The following CPXM1 variants were observed in gnomAD, a reference collection of about 807,000 sequenced individuals.
CPXM1 encodes the protein carboxypeptidase X, M14 family member 1.
CPXM1 carries 72 observed loss-of-function variants against 80.4 expected under a neutral mutation model. That is an observed-to-expected ratio of 0.90 (90% CI 0.74 to 1.09). The LOEUF is 1.09. Ranked by LOEUF, CPXM1 falls within the 50% of genes least tolerant of loss-of-function variation. The probability of loss-of-function intolerance (pLI) is 0.00; values close to 1 mark genes in which losing one functional copy is unlikely to be tolerated. For missense variants in CPXM1, 892 were observed against 999.4 expected (o/e 0.89, Z 1.45); for synonymous variants, 403 against 405.6 (o/e 0.99, Z 0.08).
chr20:2,795,748 G>T lies in CPXM1; in HGVS notation c.1571C>A (p.Pro524Gln), dbSNP rs1160936401. The change falls in exon 11 of 14, where the codon CCA (proline) becomes CAA (glutamine). Residue 524 changes from proline (P) to glutamine (Q), a missense_variant. Transcript: ENST00000380605. This position sits in a 1 kb window ranked among gnomAD's most constrained non-coding sequence, Gnocchi z 5.4. ...GAGCCAGCGAAACACAGCATCATCT[G>T]GTGTGGGCGTGAGCTCGCGGGCAGC... The part of the protein sequence containing the change: ...PWAARELTPT[P>Q]DDAVFRWLST... 6.2e-7 allele frequency: 1 copy of T among 1,613,786 alleles called. No individual in the cohort carries two copies. Among genetic ancestry groups the T allele is most frequent in the South Asian group, 1.1e-5 (1 of 91,090 alleles).
At chr20:2,798,335 G>C in intron 3 of CPXM1, 44 bp from the exon 4 acceptor site, 1 of 1,610,074 alleles carries the variant, frequency 6.2e-7, no homozygotes, top group Non-Finnish European at 8.5e-7. Flanking sequence ...TGGACAGAGT[G>C]GGGCAGGCCA....
intron 6 of CPXM1, 42 bp from the exon 7 acceptor site, chr20:2,797,136 G>A: frequency 9.3e-6 from 15 of 1,611,724 alleles, no homozygotes; most frequent in Non-Finnish European, 1.3e-5. Context: ...TGTCCACAGT[G>A]AAGGATGCAC....
chr20:2,797,036 A>G lies in CPXM1; in HGVS notation c.891T>C (p.Phe297=). 2 of 1,614,080 alleles carry G rather than the reference A, an allele frequency of 1.2e-6. No individual in the cohort carries two copies. The highest frequency in any genetic ancestry group is 1.7e-6 in the Non-Finnish European group (2 of 1,179,982). The change falls in exon 7 of 14, where the codon TTT becomes TTC. Residue 297 remains phenylalanine, a synonymous_variant. Transcript: ENST00000380605. The part of the protein sequence containing the change: ...PASGSSDPLD[F]QHHNYKAMRK... ...TCATGGCCTTGTAATTGTGATGCTG[A>G]AAGTCTAGAGGGTCAGAGGATCCCG...
At chr20:2,799,379 T>C (rs920359835) in intron 1 of CPXM1, among the ~76,000 whole-genome samples, 27 of 152,232 alleles carry the variant, frequency 1.8e-4, no homozygotes, top group African/African-American at 6.0e-4. Context: ...GCCGCTTCCA[T>C]TGTTGTGTCT....
In CPXM1 at chr20:2,794,467, A is replaced by C. The variant is rs756722655; in HGVS notation, c.1964-36T>G. ...TGAAGGGCACGATCAGGACCCAATT[A>C]ATGATCTTCTGCTTCTTCCCGAGCC... On this transcript the variant is annotated intron_variant, in intron 13 of 13. Coordinates refer to ENST00000380605, the MANE Select transcript of CPXM1 (RefSeq NM_019609.5). This position sits in a 1 kb window ranked among gnomAD's most constrained non-coding sequence, Gnocchi z 5.2. The C allele has an allele frequency of 6.2e-7, 1 of 1,613,354 alleles. No individual in the cohort carries two copies. The highest frequency in any genetic ancestry group is 8.5e-7 in the Non-Finnish European group (1 of 1,179,524).
intron 5 of CPXM1, 82 bp downstream of exon 5, chr20:2,797,886 G>A (rs953781779): frequency 6.6e-5 from 84 of 1,272,888 alleles, no homozygotes; most frequent in Admixed American, 2.1e-4. Context: ...TCTATTCCTT[G>A]TCCTCAGAGG....
intron 2 of CPXM1, 65 bp from the exon 3 acceptor site, chr20:2,798,602 G>C: frequency 6.4e-7 from 1 of 1,554,872 alleles, no homozygotes; most frequent in Non-Finnish European, 8.8e-7. Context: ...GTGGGAAGCT[G>C]AGCCTAAGGT....
chr20:2,799,263 T>C (rs1203558462), intron 1 of CPXM1, among the ~76,000 whole-genome samples: 1 of 152,176 alleles, frequency 6.6e-6, no homozygotes, highest in Non-Finnish European at 1.5e-5. Flanking sequence ...CCCTCGCCTC[T>C]GATTTTTTCA....
rs1010621442 is a variant in CPXM1 at position 2,796,810 on chromosome 20, G to A, written c.922-160C>T. Among the ~76,000 whole-genome samples the A allele has an allele frequency of 6.6e-6, 1 of 152,090 alleles. No homozygotes were observed. Among genetic ancestry groups the A allele is most frequent in the African/African-American group, 2.4e-5 (1 of 41,414 alleles). On this transcript the variant is annotated intron_variant, in intron 7 of 13. Transcript: ENST00000380605. This position sits in a 1 kb window ranked among gnomAD's most constrained non-coding sequence, Gnocchi z 6.8. ...GAGCGGCAGCAGAGCCGGGAGGAAG[G>A]GGTAGGACTGGGGGGGCGCCATAAT...
chr20:2,797,492 G>T, intron 5 of CPXM1, 150 bp from the exon 6 acceptor site: 1 of 892,712 alleles, frequency 1.1e-6, no homozygotes, highest in Non-Finnish European at 1.6e-6. Flanking sequence ...CACAGACCCC[G>T]GCCCACAGCC....
Position 2,794,610 on chromosome 20 carries a change from C to T in CPXM1, c.1890G>A (p.Arg630=), listed in dbSNP as rs768886563. ...CAATCCCAAGCTCCGTGTCCTTGTC[C>T]CTCACCACTCCTGCAATGCCCATGC... ...QVRMGIAGVV[R]DKDTELGIAD... The change falls in exon 13 of 14, where the codon AGG becomes AGA. Residue 630 remains arginine (R), a synonymous_variant. Transcript: ENST00000380605. This position sits in a 1 kb window ranked among gnomAD's most constrained non-coding sequence, Gnocchi z 5.2. 21 of 1,612,950 alleles carry T rather than the reference C, an allele frequency of 1.3e-5. No homozygotes were observed. The highest frequency in any genetic ancestry group is 1.4e-5 in the Non-Finnish European group (17 of 1,179,986).
In CPXM1 at chr20:2,794,578, G is replaced by A; in HGVS notation, c.1922C>T (p.Ala641Val). The A allele has an allele frequency of 6.2e-7, 1 of 1,613,906 alleles. No homozygotes were observed. The highest frequency in any genetic ancestry group is 1.3e-5 in the African/African-American group (1 of 75,038). ...DKDTELGIAD[A>V]VIAVDGINHD... is the part of the protein sequence containing the mutation. ...GTTAATCCCATCCACGGCAATGACAGCGTCAGCAATCCCAAGCTCCGTGTC... is the reference window on the plus strand; with the variant it reads ...GTTAATCCCATCCACGGCAATGACAACGTCAGCAATCCCAAGCTCCGTGTC... Residue 641 changes from alanine (A) to valine (V), a missense_variant, in exon 13 of 14, where the codon GCT (alanine) becomes GTT (valine). Coordinates refer to ENST00000380605, the MANE Select transcript of CPXM1 (RefSeq NM_019609.5). This position sits in a 1 kb window ranked among gnomAD's most constrained non-coding sequence, Gnocchi z 5.2.
chr20:2,794,728 C>T lies in CPXM1; in HGVS notation c.1861-89G>A. The T allele has an allele frequency of 1.0e-6, 1 of 992,092 alleles. No homozygotes were observed. Among genetic ancestry groups the T allele is most frequent in the Non-Finnish European group, 1.6e-6 (1 of 636,286 alleles). 61.5% of individuals were successfully genotyped at this position (992,092 alleles called of 1,614,324 possible). A position where few individuals can be genotyped will look rare whatever the true frequency, so the allele number is the denominator to read the frequency against. ...TTGCTGGCTCTGTTGCCCTGCAAAC[C>T]TGAGCAAAGTGGTAGGTCTACTGTG... On this transcript the variant is annotated intron_variant, in intron 12 of 13. Transcript: ENST00000380605. The surrounding 1 kb of genome is among the most constrained non-coding windows in gnomAD (Gnocchi z 5.2).
chr20:2,796,207 G>A lies in CPXM1; in HGVS notation c.1242+40C>T. The A allele has an allele frequency of 6.2e-7, 1 of 1,609,784 alleles. No individual in the cohort carries two copies. The highest frequency in any genetic ancestry group is 8.5e-7 in the Non-Finnish European group (1 of 1,177,338). On this transcript the variant is annotated intron_variant, in intron 9 of 13. Coordinates refer to ENST00000380605, the MANE Select transcript of CPXM1 (RefSeq NM_019609.5). This position sits in a 1 kb window ranked among gnomAD's most constrained non-coding sequence, Gnocchi z 6.8. ...TCAAGTCGAGCAGGTCCAGCCACCA[G>A]GGCAGAAGGACAGAGTGGCCCTCAT... is the stretch of plus-strand genomic sequence containing the variant.
Position 2,800,387 on chromosome 20 carries a change from G to A in CPXM1, c.172+14C>T. ...CGGCTTGCGGGGGAGCGGACCGTCG[G>A]TCGGGGAACTCACCGTTAGCTGTCT... On this transcript the variant is annotated intron_variant, in intron 1 of 13. Coordinates refer to ENST00000380605, the MANE Select transcript of CPXM1 (RefSeq NM_019609.5). 1 of 1,513,680 alleles carries A rather than the reference G, an allele frequency of 6.6e-7. No homozygotes were observed. The highest frequency in any genetic ancestry group is 2.2e-5 in the Admixed American group (1 of 46,416). The allele number at this position is 1,513,680 out of a possible 1,614,324, so 93.8% of individuals were successfully genotyped here. A position where few individuals can be genotyped will look rare whatever the true frequency, so the allele number is the denominator to read the frequency against.
rs2088514652 is a variant in CPXM1 at position 2,796,787 on chromosome 20, G to A, written c.922-137C>T. ...CATCCCATCATGGTACAGGAGGGGA[G>A]CGGCAGCAGAGCCGGGAGGAAGGGG... On this transcript the variant is annotated intron_variant, in intron 7 of 13. Transcript: ENST00000380605. The surrounding 1 kb of genome is among the most constrained non-coding windows in gnomAD (Gnocchi z 6.8). The A allele has an allele frequency of 1.5e-6, 2 of 1,306,850 alleles. No homozygotes were observed. The highest frequency in any genetic ancestry group is 1.5e-5 in the African/African-American group (1 of 68,620). 81.0% of individuals were successfully genotyped at this position (1,306,850 alleles called of 1,614,324 possible).
rs2088557898 is a variant in CPXM1 at position 2,800,389 on chromosome 20, CG to C, written c.172+11del. 6 of 1,516,764 alleles carry C rather than the reference CG, an allele frequency of 4.0e-6. No individual in the cohort carries two copies. In the Admixed American group the frequency reaches 1.1e-4, roughly 27 times the overall value. The allele number at this position is 1,516,764 out of a possible 1,614,324, so 94.0% of individuals were successfully genotyped here. Reference sequence around the variant, plus strand: ...GCTTGCGGGGGAGCGGACCGTCGGTCGGGGAACTCACCGTTAGCTGTCTCCG... The same window carrying C: ...GCTTGCGGGGGAGCGGACCGTCGGTCGGGAACTCACCGTTAGCTGTCTCCG... On this transcript the variant is annotated intron_variant, in intron 1 of 13. Coordinates refer to ENST00000380605, the MANE Select transcript of CPXM1 (RefSeq NM_019609.5).
At position 2,798,547 on chromosome 20, in the gene CPXM1, G is replaced by A. The variant is rs75372306; in HGVS notation, c.341-10C>T. ...CCCAAAGGAGGACAGCCTGGGGCGGGGATAGAACAGTGAGACAGGACCAGA... is the reference window on the plus strand; with the variant it reads ...CCCAAAGGAGGACAGCCTGGGGCGGAGATAGAACAGTGAGACAGGACCAGA... On this transcript the variant is annotated splice_polypyrimidine_tract_variant and intron_variant, in intron 2 of 13. Coordinates refer to ENST00000380605, the MANE Select transcript of CPXM1 (RefSeq NM_019609.5). The A allele has an allele frequency of 2.8e-4, 456 of 1,610,724 alleles. 3 individuals are homozygous for A. The East Asian group carries it at 9.2e-3, about 32-fold the overall frequency.
Position 2,798,030 on chromosome 20 carries a change from G to C in CPXM1, c.619C>G (p.Gln207Glu). 2 of 1,614,156 alleles carry C rather than the reference G, an allele frequency of 1.2e-6. No individual in the cohort carries two copies. The highest frequency in any genetic ancestry group is 1.7e-6 in the Non-Finnish European group (2 of 1,180,016). ...CAGGTCCGACTGTCATTGCTGAACT[G>C]GACCTTGTATGATGTGACCCAGTCA... ...RYDWVTSYKV[Q>E]FSNDSRTWWG... is the part of the protein sequence containing the mutation. The change falls in exon 5 of 14, where the codon CAG becomes GAG. Residue 207 changes from glutamine (Q) to glutamate (E), a missense_variant. Around this residue, in one of 2 missense-constraint regions of CPXM1, gnomAD observed 874 missense variants for 958.4 expected, o/e 0.91. Coordinates refer to ENST00000380605, the MANE Select transcript of CPXM1 (RefSeq NM_019609.5).
Sources: allele counts gnomAD v4.1 joint callset (sites outside exome capture counted in the v4.1 genomes callset), GRCh38; gene constraint gnomAD v4.1.1; regional missense constraint gnomAD v4.1.1; non-coding constraint Gnocchi (gnomAD v3.1); transcripts MANE v1.5; gene names NCBI Gene and HGNC (gene_info 2026-07-23, HGNC 2026-07-21).